Variants in CELF2 observed in about 807,000 individuals in gnomAD.
The protein encoded by CELF2 is CUGBP Elav-like family member 2.
In CELF2, 8 loss-of-function variants were observed where a neutral mutation model predicts 62.6. That is an observed-to-expected ratio of 0.13 (90% CI 0.07 to 0.23). CELF2 has a LOEUF of 0.23. CELF2 is among the 10% of genes least tolerant of loss of function. CELF2 has a pLI of 1.00. For missense variants in CELF2, 333 were observed against 671.0 expected (o/e 0.50, Z 5.56); for synonymous variants, 258 against 250.0 (o/e 1.03, Z -0.30).
the CELF2 span, among the ~76,000 whole-genome samples, chr10:10,469,516 C>T: frequency 4.6e-5 from 7 of 151,862 alleles, no homozygotes; most frequent in African/African-American, 9.7e-5. Context: ...AATGAAAGAG[C>T]ATTGTCCTTC....
At chr10:11,197,562 G>C (rs1010921346) in intron 2 of CELF2, among the ~76,000 whole-genome samples, 2 of 152,332 alleles carry the variant, frequency 1.3e-5, no homozygotes, top group East Asian at 3.9e-4. Flanking sequence ...AGCATTTATG[G>C]GCTATCTCAG....
intron 1 of CELF2, among the ~76,000 whole-genome samples, chr10:11,062,159 A>C (rs186781786): frequency 6.6e-6 from 1 of 152,214 alleles, no homozygotes; most frequent in Non-Finnish European, 1.5e-5. Flanking sequence ...GGGGGGAAAA[A>C]AAAATTCCTT....
intron 3 of CELF2, among the ~76,000 whole-genome samples, chr10:11,229,282 C>A (rs1418340529): frequency 6.6e-6 from 1 of 152,202 alleles, no homozygotes; most frequent in African/African-American, 2.4e-5. Flanking sequence ...GCATTTCATT[C>A]CATGACTTGA....
At chr10:10,906,721 T>TC (rs1432864572) in intron 1 of CELF2, among the ~76,000 whole-genome samples, 52 of 141,744 alleles carry the variant, frequency 3.7e-4, no homozygotes, top group South Asian at 1.2e-3. Context: ...TCTTTTCTTT[T>TC]TTTTTTTTTT....
Position 11,117,207 on chromosome 10 carries a change from C to T in CELF2, c.75-48279C>T, listed in dbSNP as rs566550699. On this transcript the variant is annotated intron_variant, in intron 1 of 12. Coordinates refer to ENST00000633077, the MANE Select transcript of CELF2 (RefSeq NM_001326342.2). The surrounding 1 kb of genome is among the most constrained non-coding windows in gnomAD (Gnocchi z 4.1). ...CCGCTCTACTCACATCTTTTAGGCT[C>T]ATTAAAGGATTTAGTTGAATGCCAA... 1.3e-5 allele frequency among the ~76,000 whole-genome samples: 2 copies of T among 152,276 alleles called. No homozygotes were observed. Among genetic ancestry groups the T allele is most frequent in the Admixed American group, 6.5e-5 (1 of 15,292 alleles).
chr10:10,993,920 G>T lies in CELF2; in HGVS notation c.89+73921G>T, dbSNP rs1197111508. Among the ~76,000 whole-genome samples, 1 of 152,190 alleles carries T rather than the reference G, an allele frequency of 6.6e-6. No individual in the cohort carries two copies. The highest frequency in any genetic ancestry group is 1.5e-5 in the Non-Finnish European group (1 of 68,026). ...TCCTTATCAGAAAAAAAAGACACTA[G>T]AGATGTGCAGGCATAGGGAGAAGGC... On this transcript the variant is annotated intron_variant, in intron 2 of 13. Coordinates refer to the CELF2 transcript ENST00000636488. This position sits in a 1 kb window ranked among gnomAD's most constrained non-coding sequence, Gnocchi z 5.3.
At chr10:11,073,132 T>C (rs528692709) in intron 1 of CELF2, among the ~76,000 whole-genome samples, 1 of 152,332 alleles carries the variant, frequency 6.6e-6, no homozygotes, top group South Asian at 2.1e-4. Context: ...GCAATAATAC[T>C]TGAATTATGA....
chr10:10,772,018 C>G, the CELF2 span, among the ~76,000 whole-genome samples: 1 of 152,054 alleles, frequency 6.6e-6, no homozygotes, highest in Non-Finnish European at 1.5e-5. Context: ...ATATGAAAAC[C>G]TTAGACAATT....
rs1050356247 is a variant in CELF2 at position 11,156,880 on chromosome 10, G to C, written c.75-8606G>C. ...AGCCAGTATGAAAGACAGGGAAGAT[G>C]AGCCTAAAAGCTGATTGGAGGAAAA... On this transcript the variant is annotated intron_variant, in intron 1 of 12. Transcript: ENST00000633077. The surrounding 1 kb of genome is among the most constrained non-coding windows in gnomAD (Gnocchi z 4.3). Among the ~76,000 whole-genome samples the C allele has an allele frequency of 1.3e-5, 2 of 152,244 alleles. No individual in the cohort carries two copies. The highest frequency in any genetic ancestry group is 4.8e-5 in the African/African-American group (2 of 41,462).
the CELF2 span, among the ~76,000 whole-genome samples, chr10:10,677,859 A>G: frequency 6.6e-6 from 1 of 152,206 alleles, no homozygotes; most frequent in African/African-American, 2.4e-5. Context: ...CCACTAATCA[A>G]TAAGACTAGC....
At chr10:11,232,953 T>G (rs2069377050) in intron 3 of CELF2, among the ~76,000 whole-genome samples, 1 of 152,214 alleles carries the variant, frequency 6.6e-6, no homozygotes, top group South Asian at 2.1e-4. Context: ...CACTATAGCT[T>G]GGACTCCTTG....
the CELF2 span, among the ~76,000 whole-genome samples, chr10:10,698,342 T>A: frequency 6.6e-6 from 1 of 152,332 alleles, no homozygotes; most frequent in South Asian, 2.1e-4. Flanking sequence ...CGAACTGACT[T>A]TGATCTCCGC....
At chr10:11,208,200 A>G (rs1248361601) in intron 2 of CELF2, among the ~76,000 whole-genome samples, 2 of 152,018 alleles carry the variant, frequency 1.3e-5, no homozygotes, top group Non-Finnish European at 2.9e-5. Context: ...GTGGGGAGTT[A>G]GGCTGGTAGA....
chr10:10,478,753 C>G, the CELF2 span, among the ~76,000 whole-genome samples: 9 of 152,164 alleles, frequency 5.9e-5, no homozygotes, highest in African/African-American at 1.9e-4. Flanking sequence ...TTATTTGGCC[C>G]CAGACACTTT....
intron 1 of CELF2, among the ~76,000 whole-genome samples, chr10:10,866,535 G>T (rs1043904795): frequency 6.7e-6 from 1 of 150,298 alleles, no homozygotes; most frequent in African/African-American, 2.5e-5. Context: ...AACCCGAGAG[G>T]TGGAGGTTGC....
At chr10:10,695,433 C>G in the CELF2 span, among the ~76,000 whole-genome samples, 11 of 150,052 alleles carry the variant, frequency 7.3e-5, no homozygotes, top group South Asian at 6.4e-4. Flanking sequence ...TCTGGCTGCC[C>G]TTAACGTTTT....
chr10:11,219,050 G>A (rs769754268), intron 3 of CELF2, among the ~76,000 whole-genome samples: 1 of 152,322 alleles, frequency 6.6e-6, no homozygotes, highest in Non-Finnish European at 1.5e-5. Context: ...TCCCTTCTAG[G>A]TGTGTTTTTT....
chr10:11,006,218 A>G (rs996076644), intron 1 of CELF2, among the ~76,000 whole-genome samples: 1 of 152,212 alleles, frequency 6.6e-6, no homozygotes, highest in Non-Finnish European at 1.5e-5. Flanking sequence ...GCAGCTGTCA[A>G]ACTAGCTTAA....
rs112578263 is a variant in CELF2 at position 11,078,682 on chromosome 10, A to T, written c.74+60519A>T. Among the ~76,000 whole-genome samples the T allele has an allele frequency of 3.2e-3, 493 of 152,348 alleles. 1 individual carries two copies. The highest frequency in any genetic ancestry group is 5.7e-3 in the Non-Finnish European group (385 of 68,022). The stretch of plus-strand genomic sequence containing the variant: ...GAATAATTATGTCAGATTAGAAAAG[A>T]GTGGGCGGTTCTTTCTCTTCATGCA... On this transcript the variant is annotated intron_variant, in intron 1 of 12. Coordinates refer to ENST00000633077, the MANE Select transcript of CELF2 (RefSeq NM_001326342.2).
Sources: allele counts gnomAD v4.1 joint callset (sites outside exome capture counted in the v4.1 genomes callset), GRCh38; gene constraint gnomAD v4.1.1; non-coding constraint Gnocchi (gnomAD v3.1); transcripts MANE v1.5; gene names NCBI Gene and HGNC (gene_info 2026-07-23, HGNC 2026-07-21).